Variants in ADGRV1 observed in about 807,000 individuals in gnomAD.
The protein encoded by ADGRV1 is G-protein coupled receptor 98.
In ADGRV1, 359 loss-of-function variants were observed where a neutral mutation model predicts 596.2. That is an observed-to-expected ratio of 0.60 (90% CI 0.55 to 0.66). The LOEUF (loss-of-function observed/expected upper bound fraction) is 0.66. ADGRV1 is among the 30% of genes least tolerant of loss of function. The pLI is 0.00. For missense variants in ADGRV1, 7,274 were observed against 7,575.6 expected, an observed-to-expected ratio of 0.96 and a Z score of 1.48; for synonymous variants, 2,681 against 2,679.2, an observed-to-expected ratio of 1.00 and a Z score of -0.02.
intron 77 of ADGRV1, among the ~76,000 whole-genome samples, chr5:90,840,098 G>A (rs1490406529): frequency 6.6e-6 from 1 of 152,100 alleles, no homozygotes; most frequent in African/African-American, 2.4e-5. Flanking sequence ...TACTCCTTAG[G>A]ATATTTCCAT....
At chr5:91,134,848 T>C (rs1263419128) in intron 87 of ADGRV1, among the ~76,000 whole-genome samples, 2 of 152,178 alleles carry the variant, frequency 1.3e-5, no homozygotes, top group African/African-American at 2.4e-5. Flanking sequence ...TAAATAACTC[T>C]CTGCATGAAA....
chr5:90,975,064 A>G (rs1300381441), intron 84 of ADGRV1, among the ~76,000 whole-genome samples: 1 of 152,300 alleles, frequency 6.6e-6, no homozygotes, highest in East Asian at 1.9e-4. Flanking sequence ...ACTTCTCAAA[A>G]TAAGACATTT....
At chr5:90,748,015 G>T (rs1754818058) in intron 52 of ADGRV1, among the ~76,000 whole-genome samples, 1 of 152,206 alleles carries the variant, frequency 6.6e-6, no homozygotes, top group African/African-American at 2.4e-5. Flanking sequence ...ATAGAGAATA[G>T]ATTGTAAATG....
At chr5:90,904,728 T>C (rs1045441084) in intron 83 of ADGRV1, among the ~76,000 whole-genome samples, 1 of 152,100 alleles carries the variant, frequency 6.6e-6, no homozygotes, top group Admixed American at 6.6e-5. Flanking sequence ...GTGCAGAAGC[T>C]TTTTAATTTG....
intron 83 of ADGRV1, among the ~76,000 whole-genome samples, chr5:90,881,682 A>G (rs944338681): frequency 5.9e-5 from 9 of 152,158 alleles, no homozygotes; most frequent in Non-Finnish European, 1.3e-4. Context: ...TAAATATGGA[A>G]AAATGATTAG....
chr5:90,914,739 T>C (rs756993267), intron 83 of ADGRV1, among the ~76,000 whole-genome samples: 167 of 152,308 alleles, frequency 1.1e-3, no homozygotes, highest in Non-Finnish European at 2.9e-4. Flanking sequence ...TAAACAGCAG[T>C]TTAAACCTAC....
At chr5:90,592,767 C>A (rs951206488) in intron 1 of ADGRV1, among the ~76,000 whole-genome samples, 8 of 152,034 alleles carry the variant, frequency 5.3e-5, no homozygotes, top group African/African-American at 1.7e-4. Flanking sequence ...AACAAACAAC[C>A]CCATCAAAAA....
intron 50 of ADGRV1, among the ~76,000 whole-genome samples, chr5:90,735,197 A>G (rs896131791): frequency 3.9e-5 from 6 of 152,184 alleles, no homozygotes; most frequent in African/African-American, 1.2e-4. Context: ...TGTATTTGGT[A>G]TGAAATAATG....
At position 90,627,917 on chromosome 5, in the gene ADGRV1, G is replaced by GACACACACACACACAC. The variant is rs3041948; in HGVS notation, c.1238+171_1238+186dup. 1.2e-3 allele frequency: 270 copies of GACACACACACACACAC among 230,402 alleles called. 2 individuals carry two copies. Among genetic ancestry groups the GACACACACACACACAC allele is most frequent in the Non-Finnish European group, 1.8e-3 (228 of 128,012 alleles). The allele number at this position is 230,402 out of a possible 1,614,324, so 14.3% of individuals were successfully genotyped here. Reference sequence around the variant, plus strand: ...AAAGTTTCATGACAAACTCAGAAAAGACACACACACACACACACACACACA... The same window carrying GACACACACACACACAC: ...AAAGTTTCATGACAAACTCAGAAAAGACACACACACACACACACACACACACACACACACACACACA... On this transcript the variant is annotated intron_variant, in intron 7 of 89. Transcript: ENST00000405460.
intron 16 of ADGRV1, 102 bp from the exon 17 acceptor site, chr5:90,647,396 A>T (rs1018699826): frequency 3.9e-5 from 48 of 1,216,348 alleles, no homozygotes; most frequent in Middle Eastern, 3.9e-4. Flanking sequence ...AAGACACAGT[A>T]CAAGGCTTCT....
Position 90,724,946 on chromosome 5 carries a change from C to T in ADGRV1, c.9863C>T (p.Ser3288Phe). ...LIYGIMLRKS[S>F]VTVYRWQGIF... ...TATGGTATAATGTTAAGAAAATCATCTGTTACTGTTTACCGATGGCAGGGG... is the reference window on the plus strand; with the variant it reads ...TATGGTATAATGTTAAGAAAATCATTTGTTACTGTTTACCGATGGCAGGGG... The change falls in exon 46 of 90, where the codon TCT becomes TTT. Residue 3288 changes from serine (S) to phenylalanine (F), a missense_variant. Transcript: ENST00000405460. 2.5e-6 allele frequency: 4 copies of T among 1,607,966 alleles called. No individual in the cohort carries two copies. In the South Asian group the frequency reaches 4.5e-5, roughly 18 times the overall value.
At chr5:90,729,576 A>G (rs936949141) in intron 49 of ADGRV1, 66 bp from the exon 50 acceptor site, 19 of 1,193,896 alleles carry the variant, frequency 1.6e-5, no homozygotes, top group Non-Finnish European at 2.0e-5. Flanking sequence ...TAGTTTTATT[A>G]TGTAATTTTG....
In ADGRV1 at chr5:90,728,397, G is replaced by A. The variant is rs73772476; in HGVS notation, c.10162-272G>A. ...ACAACCCTTACCCAGATGTACATTTGATACTGATTTCTTTTCAAATATCTT... is the reference window on the plus strand; with the variant it reads ...ACAACCCTTACCCAGATGTACATTTAATACTGATTTCTTTTCAAATATCTT... On this transcript the variant is annotated intron_variant, in intron 48 of 89. Coordinates refer to ENST00000405460, the MANE Select transcript of ADGRV1 (RefSeq NM_032119.4). Among the ~76,000 whole-genome samples, 5,062 of 152,198 alleles carry A rather than the reference G, an allele frequency of 0.033. 134 individuals carry two copies. Among genetic ancestry groups the A allele is most frequent in the South Asian group, 0.13 (618 of 4,818 alleles).
intron 85 of ADGRV1, among the ~76,000 whole-genome samples, chr5:91,034,887 G>A (rs1437968899): frequency 2.0e-5 from 3 of 152,108 alleles, no homozygotes; most frequent in African/African-American, 7.2e-5. Flanking sequence ...CCAGGTGCAA[G>A]CGGTCCTCCC....
intron 34 of ADGRV1, among the ~76,000 whole-genome samples, chr5:90,697,904 G>T (rs575435486): frequency 6.6e-6 from 1 of 152,148 alleles, no homozygotes; most frequent in Non-Finnish European, 1.5e-5. Context: ...AAAGGATATA[G>T]ATTGTGTACT....
chr5:90,990,696 G>C (rs1176770720), intron 85 of ADGRV1, among the ~76,000 whole-genome samples: 1 of 152,280 alleles, frequency 6.6e-6, no homozygotes, highest in East Asian at 1.9e-4. Context: ...TGCTAGAAAT[G>C]CTTCCAACTT....
intron 85 of ADGRV1, among the ~76,000 whole-genome samples, chr5:91,068,931 T>C (rs1562173137): frequency 6.6e-6 from 1 of 151,770 alleles, no homozygotes; most frequent in African/African-American, 2.4e-5. Flanking sequence ...ATGGTACTGA[T>C]ACAAAAACAG....
rs201742804 is a variant in ADGRV1 at position 90,831,229 on chromosome 5, C to A, written c.16611+2043C>A. On this transcript the variant is annotated intron_variant, in intron 77 of 89. Transcript: ENST00000405460. Reference sequence around the variant, plus strand: ...TACCTTATAATAAATCTCTCTCTCTCTCTCTCTATATATATATACACACAC... The same window carrying A: ...TACCTTATAATAAATCTCTCTCTCTATCTCTCTATATATATATACACACAC... Among the ~76,000 whole-genome samples the A allele has an allele frequency of 1.6e-3, 239 of 151,272 alleles. 3 individuals carry two copies. In the East Asian group the frequency reaches 0.034, roughly 21 times the overall value.
At chr5:91,115,762 C>T (rs1562239350) in intron 87 of ADGRV1, among the ~76,000 whole-genome samples, 1 of 152,158 alleles carries the variant, frequency 6.6e-6, no homozygotes, top group African/African-American at 2.4e-5. Context: ...GTCTGGCTAA[C>T]ATGGTGAAAC....
Sources: allele counts gnomAD v4.1 joint callset (sites outside exome capture counted in the v4.1 genomes callset), GRCh38; gene constraint gnomAD v4.1.1; transcripts MANE v1.5; gene names NCBI Gene and HGNC (gene_info 2026-07-23, HGNC 2026-07-21).